The following DMD variants were observed in gnomAD, a reference collection of about 807,000 sequenced individuals.
DMD encodes mutant dystrophin.
DMD carries 63 observed loss-of-function variants against 330.1 expected under a neutral mutation model. The observed-to-expected ratio is 0.19, with a 90% CI of 0.16 to 0.24. The LOEUF is 0.24. Ranked by LOEUF, DMD falls within the 10% of genes least tolerant of loss-of-function variation. The probability of loss-of-function intolerance (pLI) is 1.00; values close to 1 mark genes in which losing one functional copy is unlikely to be tolerated. For synonymous variants in DMD, 1,223 were observed against 959.8 expected, an observed-to-expected ratio of 1.27 and a Z score of -5.07; for missense variants, 3,344 against 2,684.1, an observed-to-expected ratio of 1.25 and a Z score of -5.43.
intron 50 of DMD, among the ~76,000 whole-genome samples, chrX:31,787,561 T>C (rs946861726): frequency 1.8e-5 from 2 of 111,520 alleles, no homozygotes; most frequent in Non-Finnish European, 3.8e-5. Context: ...CTGTTTCTTA[T>C]GTGAAATATG....
chrX:33,336,520 AT>A (rs1312979822), intron 1 of DMD, among the ~76,000 whole-genome samples: 1 of 110,434 alleles, frequency 9.1e-6, no homozygotes, highest in African/African-American at 3.3e-5. Context: ...AATAAGGGAG[AT>A]TTTTTTACTT....
intron 23 of DMD, among the ~76,000 whole-genome samples, chrX:32,467,262 C>T (rs956435591): frequency 2.7e-5 from 3 of 111,680 alleles, no homozygotes; most frequent in East Asian, 2.8e-4. Context: ...ATAACGTTTT[C>T]GACATTTCCT....
At chrX:32,558,638 A>G (rs192431042) in intron 16 of DMD, among the ~76,000 whole-genome samples, 31 of 111,771 alleles carry the variant, frequency 2.8e-4, no homozygotes, top group African/African-American at 9.7e-4. Flanking sequence ...AGAGTTTCAC[A>G]TAAAAGCAAA....
chrX:32,991,979 T>A (rs1413862705), intron 2 of DMD, among the ~76,000 whole-genome samples: 7 of 112,374 alleles, frequency 6.2e-5, no homozygotes, highest in Non-Finnish European at 1.3e-4. Context: ...TTTCTTTTCT[T>A]GAAACTTTGG....
At chrX:33,290,246 T>C (rs2053493418) in intron 1 of DMD, among the ~76,000 whole-genome samples, 1 of 111,589 alleles carries the variant, frequency 9.0e-6, no homozygotes, top group African/African-American at 3.3e-5. Flanking sequence ...CTTATGACTT[T>C]ATAAGTACTA....
chrX:32,758,085 A>G (rs1322976700), intron 7 of DMD, among the ~76,000 whole-genome samples: 2 of 111,995 alleles, frequency 1.8e-5, no homozygotes, highest in Non-Finnish European at 3.8e-5. Context: ...CAGTTCAACA[A>G]TGTTATCTTT....
intron 44 of DMD, among the ~76,000 whole-genome samples, chrX:32,209,021 T>G (rs1211811853): frequency 8.9e-6 from 1 of 112,029 alleles, no homozygotes; most frequent in Non-Finnish European, 1.9e-5. Flanking sequence ...ATTTATGTAT[T>G]TATTCGTTCT....
chrX:31,270,535 G>A (rs5972360), intron 62 of DMD, among the ~76,000 whole-genome samples: 6,484 of 111,918 alleles, frequency 0.058, 203 homozygotes, highest in Non-Finnish European at 0.087. Flanking sequence ...CAGATGTGAG[G>A]GTAAAAAGGA....
At chrX:31,887,260 T>G (rs1452326379) in intron 47 of DMD, among the ~76,000 whole-genome samples, 1 of 112,414 alleles carries the variant, frequency 8.9e-6, no homozygotes, top group East Asian at 2.8e-4. Context: ...AATTTCTTCA[T>G]AACTTTGAAA....
At chrX:32,365,225 C>T in intron 34 of DMD, 26 bp from the exon 35 acceptor site, 1 of 1,196,979 alleles carries the variant, frequency 8.4e-7, no homozygotes, top group Non-Finnish European at 1.1e-6. Context: ...CATTGACCTT[C>T]AAGTAATGTC....
At chrX:32,778,456 A>G (rs1460685722) in intron 7 of DMD, among the ~76,000 whole-genome samples, 1 of 111,392 alleles carries the variant, frequency 9.0e-6, no homozygotes, top group Non-Finnish European at 1.9e-5. Context: ...CAGAGAGTGC[A>G]GTAGTATTCA....
intron 11 of DMD, among the ~76,000 whole-genome samples, chrX:32,641,909 T>C (rs1240682614): frequency 2.7e-5 from 3 of 111,479 alleles, no homozygotes; most frequent in Non-Finnish European, 5.7e-5. Context: ...TGCTCCAAGT[T>C]GAAGCTAATC....
chrX:33,157,728 G>A (rs2048574937), intron 1 of DMD, among the ~76,000 whole-genome samples: 1 of 112,360 alleles, frequency 8.9e-6, no homozygotes, highest in Non-Finnish European at 1.9e-5. Flanking sequence ...GGCTGAGGTG[G>A]GTGGATCACC....
At chrX:31,632,932 G>A (rs1029265307) in intron 54 of DMD, among the ~76,000 whole-genome samples, 1 of 111,907 alleles carries the variant, frequency 8.9e-6, no homozygotes, top group African/African-American at 3.2e-5. Flanking sequence ...GCACTAATGA[G>A]AAGCAAAAGC....
intron 19 of DMD, among the ~76,000 whole-genome samples, chrX:32,500,413 A>C (rs1219936804): frequency 1.8e-5 from 2 of 111,724 alleles, no homozygotes; most frequent in Non-Finnish European, 3.8e-5. Context: ...TTTACTTACC[A>C]AAAATTAAAA....
intron 52 of DMD, among the ~76,000 whole-genome samples, chrX:31,702,769 A>G (rs2148871572): frequency 9.0e-6 from 1 of 110,674 alleles, no homozygotes; most frequent in East Asian, 2.8e-4. Flanking sequence ...TAGTGATTCT[A>G]ACGTGCAGCC....
intron 7 of DMD, among the ~76,000 whole-genome samples, chrX:32,700,294 T>G (rs1469413068): frequency 9.0e-6 from 1 of 111,178 alleles, no homozygotes; most frequent in Non-Finnish European, 1.9e-5. Context: ...TGGAGGATAT[T>G]AAGTGAAATA....
chrX:32,205,010 T>TCTCTCTCTC (rs2097059434), intron 44 of DMD, among the ~76,000 whole-genome samples: 117 of 52,907 alleles, frequency 2.2e-3, no homozygotes, highest in Non-Finnish European at 3.1e-3. Flanking sequence ...CTCTCTCACA[T>TCTCTCTCTC]ACACACACAC....
chrX:32,753,665 G>A (rs887346312), intron 7 of DMD, among the ~76,000 whole-genome samples: 3 of 112,113 alleles, frequency 2.7e-5, no homozygotes, highest in Non-Finnish European at 3.8e-5. Context: ...GAGCAAAGGA[G>A]TGTGAAACCA....
Sources: gnomAD v4.1 joint callset for allele counts (sites outside exome capture counted in the v4.1 genomes callset) on GRCh38, gnomAD v4.1.1 for gene constraint, MANE v1.5 for transcripts, NCBI Gene and HGNC (gene_info 2026-07-23, HGNC 2026-07-21) for gene names.